Variants in IL1RL2 observed in about 807,000 individuals in gnomAD.
IL1RL2 encodes the protein interleukin 1 receptor like 2.
In IL1RL2, 68 loss-of-function variants were observed where a neutral mutation model predicts 66.8. The observed-to-expected ratio is 1.02, with a 90% CI of 0.84 to 1.25. The LOEUF (loss-of-function observed/expected upper bound fraction) is 1.25. IL1RL2 is among the 50% of genes most tolerant of loss of function. The probability of loss-of-function intolerance (pLI) is 0.00; values close to 1 mark genes in which losing one functional copy is unlikely to be tolerated. For missense variants in IL1RL2, 729 were observed against 709.3 expected (o/e 1.03, Z -0.32); for synonymous variants, 305 against 264.6 (o/e 1.15, Z -1.48).
In IL1RL2 at chr2:102,201,568, A is replaced by T. The variant is rs780250200; in HGVS notation, c.502A>T (p.Ile168Phe). Reference sequence around the variant, plus strand: ...TTATTTGTATTAGGACTGTAACGAGATTAAAGGGGAGCGGTTCACTGTTTT... The same window carrying T: ...TTATTTGTATTAGGACTGTAACGAGTTTAAAGGGGAGCGGTTCACTGTTTT... ...PIKWYKDCNE[I>F]KGERFTVLET... The change falls in exon 5 of 12, where the codon ATT becomes TTT. Residue 168 changes from isoleucine to phenylalanine, a missense_variant. Transcript: ENST00000264257. 6.2e-7 allele frequency: 1 copy of T among 1,614,060 alleles called. No homozygotes were observed. Among genetic ancestry groups the T allele is most frequent in the Admixed American group, 1.7e-5 (1 of 60,018 alleles).
intron 4 of IL1RL2, among the ~76,000 whole-genome samples, chr2:102,196,641 T>C (rs1047260648): frequency 6.6e-6 from 1 of 152,202 alleles, no homozygotes; most frequent in African/African-American, 2.4e-5. Flanking sequence ...ACCCTGGGAA[T>C]GTCCATGGCT....
chr2:102,227,966 C>T (rs1690778799), intron 9 of IL1RL2, among the ~76,000 whole-genome samples: 1 of 152,074 alleles, frequency 6.6e-6, no homozygotes, highest in African/African-American at 2.4e-5. Flanking sequence ...AATAGTGACT[C>T]ACACGGAGTA....
At chr2:102,197,593 C>T (rs1001297793) in intron 4 of IL1RL2, among the ~76,000 whole-genome samples, 1 of 152,176 alleles carries the variant, frequency 6.6e-6, no homozygotes, top group Non-Finnish European at 1.5e-5. Context: ...TTTGCTGAGT[C>T]ACCTACTGCT....
downstream of IL1RL2, among the ~76,000 whole-genome samples, chr2:102,242,747 C>T (rs1675260341): frequency 3.9e-5 from 6 of 152,154 alleles, no homozygotes; most frequent in Admixed American, 3.9e-4. Context: ...ACAGACACGT[C>T]CATAAATAAT....
intron 5 of IL1RL2, among the ~76,000 whole-genome samples, chr2:102,203,960 T>C (rs1249028317): frequency 1.3e-5 from 2 of 152,114 alleles, no homozygotes; most frequent in Non-Finnish European, 2.9e-5. Flanking sequence ...TCTAGTTCTT[T>C]AAGATACATC....
At chr2:102,189,977 A>C (rs1687091717) in intron 3 of IL1RL2, among the ~76,000 whole-genome samples, 1 of 152,114 alleles carries the variant, frequency 6.6e-6, no homozygotes, top group Admixed American at 6.5e-5. Flanking sequence ...GAAATGCCAA[A>C]AGTTTTTGTG....
In IL1RL2 at chr2:102,202,317, T is replaced by A. The variant is rs112211270; in HGVS notation, c.649+602T>A. Among the ~76,000 whole-genome samples the A allele has an allele frequency of 8.0e-4, 121 of 151,946 alleles. 1 individual carries two copies. The highest frequency in any genetic ancestry group is 2.8e-3 in the African/African-American group (116 of 41,482). On this transcript the variant is annotated intron_variant, in intron 5 of 11. Coordinates refer to ENST00000264257, the MANE Select transcript of IL1RL2 (RefSeq NM_003854.4). Reference sequence around the variant, plus strand: ...TAATTTAATTTTTTTAATTTTCAATTTTTGTGGGTACATAATAGGTATATA... The same window carrying A: ...TAATTTAATTTTTTTAATTTTCAATATTTGTGGGTACATAATAGGTATATA...
At chr2:102,215,549 T>C (rs1013319697) in intron 6 of IL1RL2, among the ~76,000 whole-genome samples, 2 of 152,076 alleles carry the variant, frequency 1.3e-5, no homozygotes, top group Non-Finnish European at 2.9e-5. Context: ...CTCATACCCA[T>C]GAGGGTGTAC....
rs534069174 is a variant in IL1RL2, at chr2:102,234,188, G to T, written c.1298-709G>T. Among the ~76,000 whole-genome samples, 3 of 152,310 alleles carry T rather than the reference G, an allele frequency of 2.0e-5. No homozygotes were observed. In the South Asian group the frequency reaches 6.2e-4, roughly 32 times the overall value. On this transcript the variant is annotated intron_variant, in intron 10 of 11. Transcript: ENST00000264257. ...GAACAAAAGGAAAACACAGATTCAA[G>T]ATTAATGCAACATTTCAGCTAACTA... is the stretch of plus-strand genomic sequence containing the variant.
At chr2:102,229,659 G>A (rs1486806324) in intron 9 of IL1RL2, among the ~76,000 whole-genome samples, 3 of 152,204 alleles carry the variant, frequency 2.0e-5, no homozygotes, top group Non-Finnish European at 4.4e-5. Context: ...GTATTGGTCA[G>A]TAAATTATGA....
At position 102,187,079 on chromosome 2, in the gene IL1RL2, G is replaced by T. The variant is rs1445367899; in HGVS notation, c.-20G>T. On this transcript the variant is annotated 5_prime_UTR_variant, in exon 1 of 12. Transcript: ENST00000264257. ...ACGAGGTCCTGCGCGCTTCAATCCT[G>T]CAGGCAGGTAGACACCGGGCCGGGA... is the stretch of plus-strand genomic sequence containing the variant. The T allele has an allele frequency of 7.8e-6, 10 of 1,289,892 alleles. No individual in the cohort carries two copies. The highest frequency in any genetic ancestry group is 1.0e-5 in the Non-Finnish European group (10 of 988,866). The allele number at this position is 1,289,892 out of a possible 1,614,324, so 79.9% of individuals were successfully genotyped here. A position where few individuals can be genotyped will look rare whatever the true frequency, so the allele number is the denominator to read the frequency against.
At chr2:102,217,641 A>T (rs1033171264) in intron 6 of IL1RL2, among the ~76,000 whole-genome samples, 20 of 152,228 alleles carry the variant, frequency 1.3e-4, no homozygotes, top group African/African-American at 3.9e-4. Context: ...ATCAACAGCC[A>T]ACTGATATTT....
chr2:102,233,156 A>T, intron 10 of IL1RL2, 32 bp downstream of exon 10: 1 of 1,586,950 alleles, frequency 6.3e-7, no homozygotes, highest in Non-Finnish European at 8.6e-7. Flanking sequence ...AAAATAACAA[A>T]TAAAAGAAGG....
intron 5 of IL1RL2, among the ~76,000 whole-genome samples, chr2:102,202,387 TTA>T (rs1260396910): frequency 2.0e-5 from 3 of 151,232 alleles, no homozygotes; most frequent in Non-Finnish European, 2.9e-5. Flanking sequence ...AATAGGTGTA[TTA>T]TATATATAAT....
At chr2:102,188,554 C>G (rs1472888204) in intron 2 of IL1RL2, among the ~76,000 whole-genome samples, 1 of 135,676 alleles carries the variant, frequency 7.4e-6, no homozygotes, top group African/African-American at 2.8e-5. Context: ...AGCCTCTGCA[C>G]TCCAGCCTGG....
intron 9 of IL1RL2, among the ~76,000 whole-genome samples, chr2:102,231,511 AAAAAT>A (rs59059287): frequency 0.29 from 43,396 of 150,140 alleles, 7,772 homozygotes; most frequent in African/African-American, 0.48. Context: ...AATAAAATAA[AAAAAT>A]AAAATAAAAT....
chr2:102,199,150 C>T (rs921213544), intron 4 of IL1RL2, among the ~76,000 whole-genome samples: 1 of 152,088 alleles, frequency 6.6e-6, no homozygotes, highest in Non-Finnish European at 1.5e-5. Flanking sequence ...ACTTGCTATC[C>T]CTACTTCCCT....
At chr2:102,192,923 T>C (rs1687357768) in intron 4 of IL1RL2, among the ~76,000 whole-genome samples, 1 of 152,206 alleles carries the variant, frequency 6.6e-6, no homozygotes, top group Admixed American at 6.5e-5. Context: ...TTAGGAAGTT[T>C]CTCATTTCAT....
At chr2:102,191,814 A>C in intron 3 of IL1RL2, 111 bp from the exon 4 acceptor site, 1 of 704,610 alleles carries the variant, frequency 1.4e-6, no homozygotes, top group Non-Finnish European at 2.4e-6. Context: ...TTAGAGGCAG[A>C]GGGTTTGCAC....
Sources: allele counts gnomAD v4.1 joint callset (sites outside exome capture counted in the v4.1 genomes callset), GRCh38; gene constraint gnomAD v4.1.1; transcripts MANE v1.5; gene names NCBI Gene and HGNC (gene_info 2026-07-23, HGNC 2026-07-21).